The following STK32B variants were observed in gnomAD, a reference collection of about 807,000 sequenced individuals.
STK32B encodes serine/threonine-protein kinase 32B.
Under a neutral mutation model 52.6 loss-of-function variants are expected in STK32B, and 43 were observed. The ratio of observed to expected loss-of-function variants is 0.82; its 90% CI spans 0.64 to 1.05. The LOEUF (loss-of-function observed/expected upper bound fraction) is 1.05, where lower values mean the gene tolerates loss of function less well. Among genes scored for constraint, STK32B ranks in the 50% least tolerant of loss-of-function variants. The pLI, the probability that STK32B is intolerant of heterozygous loss-of-function variation, is 0.00. For synonymous variants in STK32B, 238 were observed against 204.3 expected, an observed-to-expected ratio of 1.17 and a Z score of -1.41; for missense variants, 621 against 534.6, an observed-to-expected ratio of 1.16 and a Z score of -1.59.
At chr4:5,383,784 A>G (rs1251550011) in intron 4 of STK32B, among the ~76,000 whole-genome samples, 1 of 152,230 alleles carries the variant, frequency 6.6e-6, no homozygotes, top group Admixed American at 6.5e-5. Context: ...TGATTCATCC[A>G]TTCAACTATC....
chr4:5,028,291 G>T, the STK32B span, among the ~76,000 whole-genome samples: 1 of 152,108 alleles, frequency 6.6e-6, no homozygotes, highest in African/African-American at 2.4e-5. Context: ...GACTACAGGG[G>T]CTCACCACCA....
chr4:5,140,873 C>G (rs1335865415), intron 2 of STK32B, among the ~76,000 whole-genome samples: 2 of 152,106 alleles, frequency 1.3e-5, no homozygotes, highest in African/African-American at 4.8e-5. Flanking sequence ...AAAACAGATC[C>G]AAGTGTCTTT....
intron 6 of STK32B, among the ~76,000 whole-genome samples, chr4:5,424,817 CAAG>C (rs1165595393): frequency 1.3e-5 from 2 of 152,126 alleles, no homozygotes; most frequent in African/African-American, 4.8e-5. Flanking sequence ...GTTGTGAACA[CAAG>C]AAGGAGAGAA....
chr4:5,243,405 T>G (rs895817011), intron 3 of STK32B, among the ~76,000 whole-genome samples: 2 of 152,214 alleles, frequency 1.3e-5, no homozygotes, highest in Non-Finnish European at 2.9e-5. Flanking sequence ...ATAAGAATGC[T>G]TGCGATTTTT....
intron 3 of STK32B, among the ~76,000 whole-genome samples, chr4:5,216,733 G>C (rs1365354862): frequency 6.6e-6 from 1 of 152,196 alleles, no homozygotes; most frequent in Non-Finnish European, 1.5e-5. Context: ...TGCCTTCTGA[G>C]CTAGCTTAAG....
intron 9 of STK32B, among the ~76,000 whole-genome samples, chr4:5,462,266 GTA>G (rs1179215486): frequency 2.6e-5 from 4 of 151,760 alleles, no homozygotes; most frequent in South Asian, 2.1e-4. Context: ...TTTTGTGTCT[GTA>G]TGTGTGTGTG....
chr4:5,110,536 G>A (rs1031949720), intron 1 of STK32B, among the ~76,000 whole-genome samples: 1 of 151,712 alleles, frequency 6.6e-6, no homozygotes, highest in Non-Finnish European at 1.5e-5. Flanking sequence ...AAATGGTGCT[G>A]GGAAAACTGG....
Position 5,109,994 on chromosome 4 carries a change from T to C in STK32B, c.53-29911T>C, listed in dbSNP as rs1488923636. 4.1e-5 allele frequency among the ~76,000 whole-genome samples: 6 copies of C among 146,486 alleles called. No homozygotes were observed. In the East Asian group the frequency reaches 1.2e-3, roughly 30 times the overall value. On this transcript the variant is annotated intron_variant, in intron 1 of 11. Transcript: ENST00000282908. ...CAATAACATTCATACCGAGAACCAA[T>C]CCCGTTTACAATAGCCACAGAAAAA...
Position 5,482,523 on chromosome 4 carries a change from A to G in STK32B, c.1106+14453A>G, listed in dbSNP as rs576990620. ...GGTTTTCTAGATATACAATCATGTCATCTGCCAACAGGGACAATTTGACTT... is the reference window on the plus strand; with the variant it reads ...GGTTTTCTAGATATACAATCATGTCGTCTGCCAACAGGGACAATTTGACTT... On this transcript the variant is annotated intron_variant, in intron 11 of 11. Transcript: ENST00000282908. Among the ~76,000 whole-genome samples the G allele has an allele frequency of 2.1e-3, 325 of 152,294 alleles. 1 individual carries two copies. The highest frequency in any genetic ancestry group is 7.0e-3 in the African/African-American group (292 of 41,566).
chr4:5,064,891 A>G (rs954655331), intron 1 of STK32B, among the ~76,000 whole-genome samples: 1 of 148,354 alleles, frequency 6.7e-6, no homozygotes, highest in African/African-American at 2.5e-5. Context: ...CTCCATAAGA[A>G]AACCTTCTCC....
At chr4:5,255,490 C>T (rs957045573) in intron 3 of STK32B, among the ~76,000 whole-genome samples, 8 of 152,050 alleles carry the variant, frequency 5.3e-5, no homozygotes, top group African/African-American at 1.9e-4. Context: ...TAGCTCAACA[C>T]ATTTCTTACA....
intron 3 of STK32B, among the ~76,000 whole-genome samples, chr4:5,230,192 T>C (rs1328799030): frequency 1.3e-5 from 1 of 76,590 alleles, no homozygotes. Context: ...TTTTTTTTTT[T>C]TTTTTTTTTT....
chr4:5,082,963 CATA>C (rs1357492853), intron 1 of STK32B, among the ~76,000 whole-genome samples: 1 of 152,154 alleles, frequency 6.6e-6, no homozygotes, highest in African/African-American at 2.4e-5. Context: ...GCAATTTTTA[CATA>C]ATGTTTTGGT....
intron 3 of STK32B, among the ~76,000 whole-genome samples, chr4:5,252,868 A>G (rs1299790525): frequency 1.3e-5 from 2 of 152,130 alleles, no homozygotes; most frequent in Non-Finnish European, 2.9e-5. Context: ...GTTGCCTGCC[A>G]TTGAGTAAGG....
At chr4:5,371,389 G>A (rs1735231730) in intron 4 of STK32B, among the ~76,000 whole-genome samples, 1 of 152,210 alleles carries the variant, frequency 6.6e-6, no homozygotes, top group South Asian at 2.1e-4. Context: ...TCTTGCTAAA[G>A]TGACTTAGCA....
chr4:5,316,245 T>TGTATATATATTATATA (rs1730702073), intron 3 of STK32B, among the ~76,000 whole-genome samples: 1 of 57,028 alleles, frequency 1.8e-5, no homozygotes, highest in Non-Finnish European at 2.5e-5. Context: ...TATTATATAT[T>TGTATATATATTATATA]GTATATATAA....
chr4:5,066,447 C>T (rs1742428207), intron 1 of STK32B, among the ~76,000 whole-genome samples: 1 of 152,168 alleles, frequency 6.6e-6, no homozygotes, highest in African/African-American at 2.4e-5. Flanking sequence ...CTTCAAATCA[C>T]AAGTATGATC....
intron 11 of STK32B, among the ~76,000 whole-genome samples, chr4:5,483,229 G>C (rs1391811144): frequency 1.3e-5 from 2 of 150,572 alleles, no homozygotes; most frequent in Admixed American, 6.6e-5. Flanking sequence ...GACTCTTTTT[G>C]GTTGGTAAGC....
chr4:5,383,797 C>T (rs1263940355), intron 4 of STK32B, among the ~76,000 whole-genome samples: 2 of 152,222 alleles, frequency 1.3e-5, no homozygotes, highest in African/African-American at 2.4e-5. Flanking sequence ...CAACTATCCA[C>T]GCAGCTCTTT....
Sources: gnomAD v4.1 joint callset for allele counts (sites outside exome capture counted in the v4.1 genomes callset) on GRCh38, gnomAD v4.1.1 for gene constraint, MANE v1.5 for transcripts, NCBI Gene and HGNC (gene_info 2026-07-23, HGNC 2026-07-21) for gene names.